The following CCDC70 variants were observed in gnomAD, a reference collection of about 807,000 sequenced individuals.
CCDC70 encodes the protein coiled-coil domain-containing protein 70.
CCDC70 carries 4 observed loss-of-function variants against 9.1 expected under a neutral mutation model. The ratio of observed to expected loss-of-function variants is 0.44; its 90% confidence interval spans 0.22 to 1.00. The LOEUF is 1.00. Among genes scored for constraint, CCDC70 ranks in the 50% least tolerant of loss-of-function variants. The probability of loss-of-function intolerance (pLI) is 0.25; values close to 1 mark genes in which losing one functional copy is unlikely to be tolerated. For missense variants in CCDC70, 308 were observed against 271.3 expected (o/e 1.14, Z -0.95); for synonymous variants, 119 against 94.0 (o/e 1.27, Z -1.54).
chr13:51,862,498 G>A (rs1213882634), intron 1 of CCDC70, among the ~76,000 whole-genome samples: 1 of 152,104 alleles, frequency 6.6e-6, no homozygotes, highest in Admixed American at 6.5e-5. Context: ...AAACTTGGAG[G>A]TGAATGTTTT....
rs769896949 is a variant in CCDC70 at position 51,865,822 on chromosome 13, C to A, written c.411C>A (p.Asn137Lys). 1.2e-6 allele frequency: 2 copies of A among 1,614,202 alleles called. No individual in the cohort carries two copies. Among genetic ancestry groups the A allele is most frequent in the Admixed American group, 1.7e-5 (1 of 60,020 alleles). Residue 137 changes from asparagine (N) to lysine (K), a missense_variant, in exon 2 of 2, where the codon AAC becomes AAA. Transcript: ENST00000242819. ...ATGCCTTATGGGAAAGAGACCGGAA[C>A]CTTCTTCAGGAGGACAAGGCCCTGT... ...EDNALWERDR[N>K]LLQEDKALWE...
chr13:51,865,742 T>C lies in CCDC70; in HGVS notation c.331T>C (p.Trp111Arg). 6.2e-7 allele frequency: 1 copy of C among 1,614,122 alleles called. No homozygotes were observed. The highest frequency in any genetic ancestry group is 1.7e-5 in the Admixed American group (1 of 60,032). ...KSFREEEKTFWKKYRTFWKED... is the reference protein window; with the variant it reads ...KSFREEEKTFRKKYRTFWKED... ...TTTCAGGGAGGAAGAGAAAACTTTC[T>C]GGAAAAAGTACCGCACTTTCTGGAA... Residue 111 changes from tryptophan (W) to arginine (R), a missense_variant, in exon 2 of 2, where the codon TGG becomes CGG. Transcript: ENST00000242819.
chr13:51,863,045 G>A (rs189168128), intron 1 of CCDC70, among the ~76,000 whole-genome samples: 177 of 152,328 alleles, frequency 1.2e-3, no homozygotes, highest in African/African-American at 3.9e-3. Context: ...TGGAGGGTCC[G>A]AGTAGCTTTC....
At chr13:51,864,453 G>T (rs2138107600) in intron 1 of CCDC70, among the ~76,000 whole-genome samples, 1 of 152,280 alleles carries the variant, frequency 6.6e-6, no homozygotes, top group Admixed American at 6.5e-5. Flanking sequence ...ATGGCATTTA[G>T]TCTTGCTTGT....
Position 51,865,884 on chromosome 13 carries a change from C to A in CCDC70, c.473C>A (p.Ala158Asp). 6.2e-7 allele frequency: 1 copy of A among 1,613,476 alleles called. No individual in the cohort carries two copies. The highest frequency in any genetic ancestry group is 1.7e-4 in the Middle Eastern group (1 of 6,058). Residue 158 changes from alanine (A) to aspartate (D), a missense_variant, in exon 2 of 2, where the codon GCC (alanine) becomes GAC (aspartate). Ala to Asp is a moderately radical substitution (Grantham distance 126). Transcript: ENST00000242819. ...EEKALWVEER[A>D]LLEGEKALWE... ...AAGGCCCTGTGGGTAGAGGAAAGAGCCCTCCTTGAGGGGGAGAAAGCCCTG... is the reference window on the plus strand; with the variant it reads ...AAGGCCCTGTGGGTAGAGGAAAGAGACCTCCTTGAGGGGGAGAAAGCCCTG...
Position 51,865,818 on chromosome 13 carries a change from G to T in CCDC70, c.407G>T (p.Arg136Leu). 6.2e-7 allele frequency: 1 copy of T among 1,614,210 alleles called. No homozygotes were observed. Among genetic ancestry groups the T allele is most frequent in the South Asian group, 1.1e-5 (1 of 91,076 alleles). The stretch of plus-strand genomic sequence containing the variant: ...GACAATGCCTTATGGGAAAGAGACC[G>T]GAACCTTCTTCAGGAGGACAAGGCC... ...KEDNALWERD[R>L]NLLQEDKALW... Residue 136 changes from arginine (R) to leucine (L), a missense_variant, in exon 2 of 2, where the codon CGG (arginine) becomes CTG (leucine). Physicochemically the swap from Arg to Leu is moderately radical, Grantham distance 102. Transcript: ENST00000242819.
In CCDC70 at chr13:51,865,387, C is replaced by A. The variant is rs780556343; in HGVS notation, c.-25C>A. ...GGGTCCTGTCATCCCTCATGGCCAC[C>A]CCGCCATTCCGGCTGATAAGGAAGA... is the stretch of plus-strand genomic sequence containing the variant. On this transcript the variant is annotated 5_prime_UTR_variant, in exon 2 of 2. Transcript: ENST00000242819. 1.8e-5 allele frequency: 28 copies of A among 1,591,188 alleles called. No individual in the cohort carries two copies. Among genetic ancestry groups the A allele is most frequent in the Non-Finnish European group, 1.4e-5 (16 of 1,168,594 alleles).
intron 1 of CCDC70, among the ~76,000 whole-genome samples, chr13:51,863,716 A>G (rs1271939906): frequency 7.2e-6 from 1 of 138,186 alleles, no homozygotes; most frequent in Non-Finnish European, 1.5e-5. Flanking sequence ...CACACCAGCT[A>G]TGTGTCTTTT....
In CCDC70 at chr13:51,865,307, T is replaced by C. The variant is rs1956411265; in HGVS notation, c.-80-25T>C. The C allele has an allele frequency of 1.1e-5, 14 of 1,277,330 alleles. No homozygotes were observed. In the Admixed American group the frequency reaches 1.9e-4, roughly 17 times the overall value. The allele number at this position is 1,277,330 out of a possible 1,614,324, so 79.1% of individuals were successfully genotyped here. A position where few individuals can be genotyped will look rare whatever the true frequency, so the allele number is the denominator to read the frequency against. Reference sequence around the variant, plus strand: ...TCCCCTGGCATGTGATACTCATAGATCTGTCTTTTCTGCTGCCCCCACAGG... The same window carrying C: ...TCCCCTGGCATGTGATACTCATAGACCTGTCTTTTCTGCTGCCCCCACAGG... On this transcript the variant is annotated intron_variant, in intron 1 of 1. Transcript: ENST00000242819.
In CCDC70 at chr13:51,865,533, G is replaced by A. The variant is rs759430954; in HGVS notation, c.122G>A (p.Arg41His). 5.0e-6 allele frequency: 8 copies of A among 1,614,218 alleles called. No individual in the cohort carries two copies. The highest frequency in any genetic ancestry group is 6.8e-6 in the Non-Finnish European group (8 of 1,180,038). The change falls in exon 2 of 2, where the codon CGC (arginine) becomes CAC (histidine). Residue 41 changes from arginine (R) to histidine (H), a missense_variant. Physicochemically the swap from Arg to His is conservative, Grantham distance 29. Coordinates refer to ENST00000242819, the MANE Select transcript of CCDC70 (RefSeq NM_031290.4). The stretch of plus-strand genomic sequence containing the variant: ...AAGCTGCAGGAGGAAAAGGCTTTTC[G>A]CGAAGAGATGAAAATTTTTCGTGAA... ...MHKLQEEKAF[R>H]EEMKIFREKI... is the part of the protein sequence containing the mutation.
At position 51,865,427 on chromosome 13, in the gene CCDC70, GT is replaced by G; in HGVS notation, c.17del (p.Val6GlyfsTer25). The G allele has an allele frequency of 1.9e-6, 3 of 1,611,854 alleles. No individual in the cohort carries two copies. Among genetic ancestry groups the G allele is most frequent in the Non-Finnish European group, 1.7e-6 (2 of 1,179,020 alleles). On this transcript the variant is annotated frameshift_variant, in exon 2 of 2. Transcript: ENST00000242819. LOFTEE classifies it high-confidence loss of function. ...GATAAGGAAGATGTTTTCCTTCAAG[GT>G]GAGCAGATGGATGGGGCTTGCCTGC... MFSFK[V>X]SRWMGLACFR...
chr13:51,864,080 T>G (rs987072187), intron 1 of CCDC70, among the ~76,000 whole-genome samples: 18 of 146,402 alleles, frequency 1.2e-4, no homozygotes, highest in African/African-American at 4.0e-4. Flanking sequence ...CTTCCCTCCC[T>G]CCCTTCCTTC....
Position 51,865,620 on chromosome 13 carries a change from G to A in CCDC70, c.209G>A (p.Gly70Asp), listed in dbSNP as rs899166693. 6.2e-6 allele frequency: 10 copies of A among 1,614,076 alleles called. No homozygotes were observed. The highest frequency in any genetic ancestry group is 8.5e-6 in the Non-Finnish European group (10 of 1,180,008). ...TFRGKIHAFR[G>D]QILGFWEEER... is the part of the protein sequence containing the mutation. ...CGAGGCAAGATCCATGCTTTCCGGG[G>A]CCAGATCCTGGGTTTTTGGGAAGAG... The change falls in exon 2 of 2, where the codon GGC (glycine) becomes GAC (aspartate). Residue 70 changes from glycine to aspartate, a missense_variant. Coordinates refer to ENST00000242819, the MANE Select transcript of CCDC70 (RefSeq NM_031290.4).
At position 51,866,068 on chromosome 13, in the gene CCDC70, A is replaced by T; in HGVS notation, c.657A>T (p.Arg219=). The change falls in exon 2 of 2, where the codon CGA becomes CGT. Residue 219 remains arginine (R), a synonymous_variant. Coordinates refer to ENST00000242819, the MANE Select transcript of CCDC70 (RefSeq NM_031290.4). ...NRGQRLLAFS[R]GRA is the part of the protein sequence containing the mutation. ...GGCAGCGCTTGCTGGCCTTCTCCCG[A>T]GGCAGGGCGTAGCCAGCATGCAGGT... The T allele has an allele frequency of 1.3e-6, 2 of 1,578,244 alleles. No homozygotes were observed. Among genetic ancestry groups the T allele is most frequent in the Non-Finnish European group, 8.6e-7 (1 of 1,164,948 alleles).
chr13:51,865,739 T>TA lies in CCDC70; in HGVS notation c.328_329insA (p.Phe110TyrfsTer13), dbSNP rs768066962. On this transcript the variant is annotated frameshift_variant, in exon 2 of 2. Transcript: ENST00000242819. LOFTEE classifies it high-confidence loss of function. The stretch of plus-strand genomic sequence containing the variant: ...GTCTTTCAGGGAGGAAGAGAAAACT[T>TA]TCTGGAAAAAGTACCGCACTTTCTG... 1 of 1,614,056 alleles carries TA rather than the reference T, an allele frequency of 6.2e-7. No homozygotes were observed. The highest frequency in any genetic ancestry group is 8.5e-7 in the Non-Finnish European group (1 of 1,179,994).
At chr13:51,864,558 G>A (rs1392640981) in intron 1 of CCDC70, among the ~76,000 whole-genome samples, 3 of 152,218 alleles carry the variant, frequency 2.0e-5, no homozygotes, top group Non-Finnish European at 4.4e-5. Context: ...CAGCCATGCT[G>A]TCTGCCATGT....
rs1956415517 is a variant in CCDC70, at chr13:51,865,591, T to C, written c.180T>C (p.Thr60=). The part of the protein sequence containing the change: ...KIEDFREEMW[T]FRGKIHAFRG... ...AGGACTTCAGGGAAGAGATGTGGAC[T>C]TTCCGAGGCAAGATCCATGCTTTCC... The change falls in exon 2 of 2, where the codon ACT becomes ACC. Residue 60 remains threonine (T), a synonymous_variant. Transcript: ENST00000242819. The C allele has an allele frequency of 6.2e-7, 1 of 1,614,170 alleles. No homozygotes were observed.
intron 1 of CCDC70, among the ~76,000 whole-genome samples, chr13:51,863,582 C>T (rs1006969708): frequency 3.3e-5 from 5 of 151,740 alleles, no homozygotes; most frequent in African/African-American, 9.7e-5. Context: ...AAGGATGTGC[C>T]CCTGGTTCTG....
Position 51,865,381 on chromosome 13 carries a change from G to A in CCDC70, c.-31G>A. ...GGCCAAGGGTCCTGTCATCCCTCAT[G>A]GCCACCCCGCCATTCCGGCTGATAA... On this transcript the variant is annotated 5_prime_UTR_variant, in exon 2 of 2. The change abolishes an upstream ATG in the 5' untranslated region. Coordinates refer to ENST00000242819, the MANE Select transcript of CCDC70 (RefSeq NM_031290.4). The A allele has an allele frequency of 1.3e-6, 2 of 1,586,638 alleles. No individual in the cohort carries two copies. Among genetic ancestry groups the A allele is most frequent in the Non-Finnish European group, 1.7e-6 (2 of 1,166,536 alleles).
Sources: gnomAD v4.1 joint callset for allele counts (sites outside exome capture counted in the v4.1 genomes callset) on GRCh38, gnomAD v4.1.1 for gene constraint, MANE v1.5 for transcripts, NCBI Gene and HGNC (gene_info 2026-07-23, HGNC 2026-07-21) for gene names.